The following UNC80 variants were observed in gnomAD, a reference collection of about 807,000 sequenced individuals.
The protein encoded by UNC80 is protein unc-80 homolog.
UNC80 carries 164 observed loss-of-function variants against 384.6 expected under a neutral mutation model. The ratio of observed to expected loss-of-function variants is 0.43; its 90% CI spans 0.38 to 0.49. The LOEUF is 0.49. Among genes scored for constraint, UNC80 ranks in the 20% least tolerant of loss-of-function variants. UNC80 has a pLI of 0.00. For synonymous variants in UNC80, 1,486 were observed against 1,527.8 expected, an observed-to-expected ratio of 0.97 and a Z score of 0.64; for missense variants, 3,330 against 4,143.0, an observed-to-expected ratio of 0.80 and a Z score of 5.39.
chr2:209,978,395 G>T, intron 58 of UNC80, 134 bp from the exon 59 acceptor site: 1 of 705,838 alleles, frequency 1.4e-6, no homozygotes, highest in Non-Finnish European at 2.1e-6. Context: ...TTGCAACTTT[G>T]TTATAAAGAT....
intron 51 of UNC80, among the ~76,000 whole-genome samples, chr2:209,964,538 C>T (rs1410393058): frequency 1.3e-5 from 2 of 152,044 alleles, no homozygotes; most frequent in Non-Finnish European, 2.9e-5. Flanking sequence ...CCTGTAATCC[C>T]AGCACTTTGG....
intron 29 of UNC80, among the ~76,000 whole-genome samples, chr2:209,909,920 G>T (rs1290493028): frequency 6.6e-6 from 1 of 151,940 alleles, no homozygotes; most frequent in Non-Finnish European, 1.5e-5. Flanking sequence ...CAATGACTGA[G>T]TAGAGGAATT....
intron 38 of UNC80, among the ~76,000 whole-genome samples, chr2:209,933,063 T>A (rs2091002310): frequency 6.6e-6 from 1 of 152,212 alleles, no homozygotes; most frequent in Admixed American, 6.5e-5. Flanking sequence ...TTTACACTAT[T>A]TCTTTCTGAA....
chr2:209,900,428 G>C (rs915157859), intron 28 of UNC80, among the ~76,000 whole-genome samples: 3 of 151,978 alleles, frequency 2.0e-5, no homozygotes, highest in Non-Finnish European at 2.9e-5. Context: ...GTTGTTTTGG[G>C]ACACCATGAA....
At chr2:209,910,355 C>A (rs2088775705) in intron 29 of UNC80, among the ~76,000 whole-genome samples, 1 of 151,888 alleles carries the variant, frequency 6.6e-6, no homozygotes, top group South Asian at 2.1e-4. Context: ...AATAGAGGGA[C>A]TTTAAGACCT....
At chr2:209,957,088 A>G (rs879865752) in intron 48 of UNC80, among the ~76,000 whole-genome samples, 1 of 152,236 alleles carries the variant, frequency 6.6e-6, no homozygotes, top group Non-Finnish European at 1.5e-5. Context: ...GAGATGATTC[A>G]AATCTATTAC....
intron 61 of UNC80, among the ~76,000 whole-genome samples, chr2:209,989,747 A>T (rs1452000327): frequency 6.6e-6 from 1 of 152,198 alleles, no homozygotes; most frequent in Non-Finnish European, 1.5e-5. Flanking sequence ...TGACTGAAAT[A>T]TTACATGATG....
At chr2:209,901,860 C>G (rs1264183138) in intron 28 of UNC80, among the ~76,000 whole-genome samples, 2 of 151,340 alleles carry the variant, frequency 1.3e-5, no homozygotes, top group Admixed American at 1.3e-4. Context: ...ACCCGGGAGG[C>G]GAAGCTTGCA....
At chr2:209,817,170 G>T in intron 10 of UNC80, 45 bp downstream of exon 10, 1 of 1,508,644 alleles carries the variant, frequency 6.6e-7, no homozygotes. Context: ...TAAGTGACCT[G>T]TTTAGAACTG....
chr2:209,898,214 C>T (rs2087000822), intron 28 of UNC80, among the ~76,000 whole-genome samples: 1 of 151,884 alleles, frequency 6.6e-6, no homozygotes, highest in Non-Finnish European at 1.5e-5. Flanking sequence ...TTTTGTTTTA[C>T]TAATATTTTC....
intron 40 of UNC80, 59 bp from the exon 41 acceptor site, chr2:209,936,785 A>G (rs2091277944): frequency 8.3e-7 from 1 of 1,208,904 alleles, no homozygotes; most frequent in Non-Finnish European, 1.2e-6. Flanking sequence ...TCACCTTACT[A>G]CCTAGCACAT....
chr2:209,849,248 A>G (rs1049802891), intron 21 of UNC80, among the ~76,000 whole-genome samples: 1 of 152,174 alleles, frequency 6.6e-6, no homozygotes, highest in Admixed American at 6.6e-5. Flanking sequence ...ACATTTTCAT[A>G]TGTCATGTGT....
chr2:209,902,833 A>G (rs2087570030), intron 28 of UNC80, among the ~76,000 whole-genome samples: 1 of 151,900 alleles, frequency 6.6e-6, no homozygotes, highest in African/African-American at 2.4e-5. Context: ...GACTCACTTA[A>G]ATGCAACATT....
intron 29 of UNC80, among the ~76,000 whole-genome samples, chr2:209,908,484 CCT>C (rs1295966349): frequency 1.3e-5 from 2 of 152,122 alleles, no homozygotes; most frequent in Non-Finnish European, 2.9e-5. Context: ...TGAGATTTTT[CCT>C]CTATGTCTGT....
At chr2:209,989,789 G>A (rs1264819722) in intron 61 of UNC80, among the ~76,000 whole-genome samples, 1 of 152,122 alleles carries the variant, frequency 6.6e-6, no homozygotes, top group African/African-American at 2.4e-5. Flanking sequence ...CTTTTTATAT[G>A]CAACTTCAAT....
chr2:209,984,852 G>T lies in UNC80; in HGVS notation c.9258-4G>T. On this transcript the variant is annotated splice_region_variant and splice_polypyrimidine_tract_variant and intron_variant, in intron 60 of 64. Coordinates refer to ENST00000673920, the MANE Select transcript of UNC80 (RefSeq NM_001371986.1). Reference sequence around the variant, plus strand: ...AATGCTTCATCTCCCTACCCCTCCTGCAGTGAACCTAATGTCCTCGATGAC... The same window carrying T: ...AATGCTTCATCTCCCTACCCCTCCTTCAGTGAACCTAATGTCCTCGATGAC... 6.5e-7 allele frequency: 1 copy of T among 1,542,560 alleles called. No homozygotes were observed. Among genetic ancestry groups the T allele is most frequent in the Non-Finnish European group, 8.7e-7 (1 of 1,144,512 alleles).
At chr2:209,799,757 G>C (rs891871233) in intron 7 of UNC80, among the ~76,000 whole-genome samples, 1 of 152,094 alleles carries the variant, frequency 6.6e-6, no homozygotes, top group Non-Finnish European at 1.5e-5. Flanking sequence ...CATTACCTAG[G>C]TATTGAGAAT....
Position 209,834,188 on chromosome 2 carries a change from T to G in UNC80, c.2942+20T>G, listed in dbSNP as rs2081187225. 1 of 1,550,214 alleles carries G rather than the reference T, an allele frequency of 6.5e-7. No homozygotes were observed. Among genetic ancestry groups the G allele is most frequent in the East Asian group, 2.4e-5 (1 of 40,914 alleles). ...TAAAAGGTTGGAAGCTTGAACTCTC[T>G]GAATATTACTGTTTGCCTTAAGTCA... On this transcript the variant is annotated intron_variant, in intron 17 of 64. Coordinates refer to ENST00000673920, the MANE Select transcript of UNC80 (RefSeq NM_001371986.1).
chr2:209,834,649 A>G (rs1176403387), intron 17 of UNC80, among the ~76,000 whole-genome samples: 1 of 152,216 alleles, frequency 6.6e-6, no homozygotes, highest in Non-Finnish European at 1.5e-5. Context: ...CCACTTAAAA[A>G]TTAAAATAAA....
Sources: gnomAD v4.1 joint callset for allele counts (sites outside exome capture counted in the v4.1 genomes callset) on GRCh38, gnomAD v4.1.1 for gene constraint, MANE v1.5 for transcripts, NCBI Gene and HGNC (gene_info 2026-07-23, HGNC 2026-07-21) for gene names.